ST7L: variants seen among roughly 807,000 people sequenced by gnomAD.
The protein encoded by ST7L is suppression of tumorigenicity 7 like.
Under a neutral mutation model 72.5 loss-of-function variants are expected in ST7L, and 57 were observed. The observed-to-expected ratio is 0.79, with a 90% CI of 0.64 to 0.98. The LOEUF (loss-of-function observed/expected upper bound fraction) is 0.98. Ranked by LOEUF, ST7L falls within the 50% of genes least tolerant of loss-of-function variation. The pLI is 0.00. For synonymous variants in ST7L, 221 were observed against 240.9 expected (o/e 0.92, Z 0.77); for missense variants, 576 against 672.2 (o/e 0.86, Z 1.58).
chr1:112,604,828 G>A (rs1667958841), intron 3 of ST7L, among the ~76,000 whole-genome samples: 1 of 139,470 alleles, frequency 7.2e-6, no homozygotes, highest in Non-Finnish European at 1.5e-5. Context: ...GCTCATGCCT[G>A]TAATCCTAGC....
intron 5 of ST7L, among the ~76,000 whole-genome samples, chr1:112,595,951 A>G (rs1666416418): frequency 2.0e-5 from 3 of 152,202 alleles, no homozygotes; most frequent in Admixed American, 6.5e-5. Flanking sequence ...TTTTAATACC[A>G]CAACTTCAGT....
chr1:112,579,492 A>AC lies in ST7L; in HGVS notation c.1070-1076_1070-1075insG, dbSNP rs374144788. ...AAACCTTCACCTATTCATAGAGAAA[A>AC]ACTAATATTAGAAAAAAATTAAAAT... On this transcript the variant is annotated intron_variant, in intron 9 of 14. Transcript: ENST00000358039. 2.7e-3 allele frequency among the ~76,000 whole-genome samples: 405 copies of AC among 151,312 alleles called. 2 individuals are homozygous for AC. Among genetic ancestry groups the AC allele is most frequent in the African/African-American group, 9.6e-3 (391 of 40,878 alleles).
At chr1:112,607,192 T>G (rs969462882) in intron 3 of ST7L, 2 of 151,876 alleles carry the variant, frequency 1.3e-5, no homozygotes, top group Non-Finnish European at 1.5e-5. Context: ...GGAGAGAGTA[T>G]GTACTAGAAG....
Position 112,595,628 on chromosome 1 carries a change from C to T in ST7L, c.622+2343G>A, listed in dbSNP as rs151028693. Among the ~76,000 whole-genome samples the T allele has an allele frequency of 1.1e-3, 160 of 152,056 alleles. 1 individual carries two copies. The highest frequency in any genetic ancestry group is 7.7e-3 in the South Asian group (37 of 4,814). On this transcript the variant is annotated intron_variant, in intron 5 of 14. Transcript: ENST00000358039. Reference sequence around the variant, plus strand: ...GTAGGGATGGGGTCTTACTGTGTTGCCCAGGCTGACAAACTCCTAGACTCA... The same window carrying T: ...GTAGGGATGGGGTCTTACTGTGTTGTCCAGGCTGACAAACTCCTAGACTCA...
At chr1:112,619,173 G>T, upstream of ST7L, 1 of 1,516,256 alleles carries the variant, frequency 6.6e-7, no homozygotes, top group East Asian at 2.4e-5. Flanking sequence ...ACCGGGAGTC[G>T]GGAATCCTGG....
rs1233174215 is a variant in ST7L at position 112,610,560 on chromosome 1, TCA to T, written c.451+279_451+280del. On this transcript the variant is annotated intron_variant, in intron 3 of 14. Coordinates refer to ENST00000358039, the MANE Select transcript of ST7L (RefSeq NM_017744.5). ...GTCTGGTGAGGGTCTGCTTTCTGGT[TCA>T]CAGACGGCGCCTTCTCGTGGTGTCC... 3.4e-5 allele frequency: 11 copies of T among 327,746 alleles called. No individual in the cohort carries two copies. The East Asian group carries it at 5.9e-4, about 18-fold the overall frequency. 20.3% of individuals were successfully genotyped at this position (327,746 alleles called of 1,614,324 possible).
At position 112,531,970 on chromosome 1, in the gene ST7L, T is replaced by C. The variant is rs117630734; in HGVS notation, c.1630-5859A>G. On this transcript the variant is annotated intron_variant, in intron 14 of 14. Transcript: ENST00000358039. The stretch of plus-strand genomic sequence containing the variant: ...TATCCAGGACTCTCTGAACTGCATG[T>C]TCTACTGCAGTTTTTGTTTTTTGTT... 4.7e-5 allele frequency among the ~76,000 whole-genome samples: 7 copies of C among 148,458 alleles called. No individual in the cohort carries two copies. The East Asian group carries it at 1.4e-3, about 29-fold the overall frequency.
chr1:112,533,759 G>C (rs1654759557), intron 14 of ST7L, among the ~76,000 whole-genome samples: 1 of 152,146 alleles, frequency 6.6e-6, no homozygotes, highest in Non-Finnish European at 1.5e-5. Flanking sequence ...GGGCTCAGAT[G>C]ATTCTCCTGT....
chr1:112,568,420 T>G (rs1024647150), intron 11 of ST7L, among the ~76,000 whole-genome samples: 1 of 147,646 alleles, frequency 6.8e-6, no homozygotes, highest in Non-Finnish European at 1.5e-5. Flanking sequence ...CACTGCAAGC[T>G]CTGCCTCCCA....
chr1:112,617,711 TCTCTCTCACACACA>T (rs1270743208), intron 1 of ST7L, among the ~76,000 whole-genome samples: 19 of 67,394 alleles, frequency 2.8e-4, no homozygotes, highest in African/African-American at 1.2e-3. Flanking sequence ...TCTGTCTTTC[TCTCTCTCACACACA>T]CACACACACA....
intron 9 of ST7L, among the ~76,000 whole-genome samples, chr1:112,580,155 T>C (rs1427005226): frequency 6.9e-6 from 1 of 144,984 alleles, no homozygotes; most frequent in East Asian, 2.0e-4. Context: ...CCTTTTTCTT[T>C]GTTTTTTTTG....
chr1:112,604,704 G>A (rs1178070893), intron 3 of ST7L, among the ~76,000 whole-genome samples: 1 of 150,646 alleles, frequency 6.6e-6, no homozygotes, highest in Middle Eastern at 3.2e-3. Flanking sequence ...AGGAGGCTGA[G>A]GCAGGAGGAT....
At chr1:112,536,552 A>G (rs1338550900) in intron 14 of ST7L, among the ~76,000 whole-genome samples, 1 of 152,148 alleles carries the variant, frequency 6.6e-6, no homozygotes, top group East Asian at 1.9e-4. Flanking sequence ...GTAATTTGGG[A>G]AGAAAAATTT....
At chr1:112,559,174 G>T (rs538751671) in intron 11 of ST7L, among the ~76,000 whole-genome samples, 3 of 152,140 alleles carry the variant, frequency 2.0e-5, no homozygotes. Flanking sequence ...TGTAAGCAAA[G>T]ATATTCAGTT....
At chr1:112,600,149 T>C (rs1000932238) in intron 4 of ST7L, among the ~76,000 whole-genome samples, 2 of 152,156 alleles carry the variant, frequency 1.3e-5, no homozygotes, top group Non-Finnish European at 2.9e-5. Context: ...CAAGTGATTC[T>C]CCTGCCTCAG....
chr1:112,565,148 G>A (rs1293887059), intron 11 of ST7L, among the ~76,000 whole-genome samples: 2 of 148,722 alleles, frequency 1.3e-5, no homozygotes, highest in Admixed American at 6.7e-5. Context: ...AGGTTCAAGC[G>A]ATTCTCCTGC....
chr1:112,561,445 A>G (rs991853981), intron 11 of ST7L, among the ~76,000 whole-genome samples: 13 of 151,070 alleles, frequency 8.6e-5, no homozygotes, highest in Admixed American at 8.6e-4. Flanking sequence ...TCTATGCATA[A>G]TACATTTTGC....
rs149538230 is a variant in ST7L at position 112,611,176 on chromosome 1, T to A, written c.289-173A>T. 1.2e-4 allele frequency among the ~76,000 whole-genome samples: 19 copies of A among 152,292 alleles called. No individual in the cohort carries two copies. The East Asian group carries it at 3.7e-3, about 29-fold the overall frequency. On this transcript the variant is annotated intron_variant, in intron 2 of 14. Coordinates refer to ENST00000358039, the MANE Select transcript of ST7L (RefSeq NM_017744.5). ...TCACCAATAACATGTCACGTAAAAG[T>A]GAAATACATTTTTTATAGTTCCGTC...
chr1:112,569,957 C>CAAAAAAAAAAAAAAAAAAAA, intron 11 of ST7L, among the ~76,000 whole-genome samples: 1 of 73,352 alleles, frequency 1.4e-5, no homozygotes, highest in Non-Finnish European at 2.7e-5. Flanking sequence ...GATTCTGTCT[C>CAAAAAAAAAAAAAAAAAAAA]AAAAAAAAAA....
Sources: allele counts gnomAD v4.1 joint callset (sites outside exome capture counted in the v4.1 genomes callset), GRCh38; gene constraint gnomAD v4.1.1; transcripts MANE v1.5; gene names NCBI Gene and HGNC (gene_info 2026-07-23, HGNC 2026-07-21).